Variants in DCC observed in about 807,000 individuals in gnomAD.
DCC encodes the protein DCC netrin 1 receptor.
Under a neutral mutation model 172.5 loss-of-function variants are expected in DCC, and 58 were observed. That is an observed-to-expected ratio of 0.34 (90% CI 0.27 to 0.42). DCC has a LOEUF of 0.42. DCC is among the 10% of genes least tolerant of loss of function. DCC has a pLI of 1.00. For synonymous variants in DCC, 709 were observed against 644.5 expected, an observed-to-expected ratio of 1.10 and a Z score of -1.52; for missense variants, 1,740 against 1,791.0, an observed-to-expected ratio of 0.97 and a Z score of 0.51.
chr18:52,858,741 A>G (rs1464134546), intron 2 of DCC, among the ~76,000 whole-genome samples: 1 of 152,198 alleles, frequency 6.6e-6, no homozygotes, highest in Admixed American at 6.5e-5. Context: ...ATAAGATGTG[A>G]GCCTTCTTGT....
chr18:53,151,976 T>A (rs968186193), intron 7 of DCC, among the ~76,000 whole-genome samples: 1 of 152,170 alleles, frequency 6.6e-6, no homozygotes, highest in African/African-American at 2.4e-5. Context: ...AGCTAGAGTT[T>A]AGTGTCAAGG....
intron 1 of DCC, among the ~76,000 whole-genome samples, chr18:52,563,672 A>T (rs2033091113): frequency 6.6e-6 from 1 of 152,164 alleles, no homozygotes; most frequent in East Asian, 1.9e-4. Flanking sequence ...AATAGAGTAT[A>T]CACAGCTTTT....
intron 1 of DCC, among the ~76,000 whole-genome samples, chr18:52,489,912 G>A (rs538958587): frequency 6.6e-6 from 1 of 152,226 alleles, no homozygotes; most frequent in Admixed American, 6.5e-5. Context: ...TAAATATGAA[G>A]TGGAATGTTC....
At chr18:52,710,681 C>T (rs757610242) in intron 1 of DCC, among the ~76,000 whole-genome samples, 4 of 152,062 alleles carry the variant, frequency 2.6e-5, no homozygotes, top group Non-Finnish European at 5.9e-5. Context: ...AAGTATTTAT[C>T]TCAGCAAACA....
intron 1 of DCC, among the ~76,000 whole-genome samples, chr18:52,350,985 C>A (rs556377878): frequency 1.3e-5 from 2 of 152,126 alleles, no homozygotes; most frequent in East Asian, 3.9e-4. Context: ...TAATCAAATA[C>A]ATATGTTAAC....
intron 2 of DCC, among the ~76,000 whole-genome samples, chr18:52,754,938 T>C (rs990894481): frequency 1.3e-5 from 2 of 152,110 alleles, no homozygotes; most frequent in African/African-American, 4.8e-5. Flanking sequence ...ATCCTGATGG[T>C]GAAAATCAAG....
chr18:53,164,086 T>C (rs1463954987), intron 8 of DCC, among the ~76,000 whole-genome samples: 2 of 152,202 alleles, frequency 1.3e-5, no homozygotes, highest in Non-Finnish European at 2.9e-5. Context: ...CTTGCTTCCT[T>C]AGTGGATTAA....
intron 7 of DCC, among the ~76,000 whole-genome samples, chr18:53,080,178 G>T (rs1340913454): frequency 6.6e-6 from 1 of 152,010 alleles, no homozygotes; most frequent in Non-Finnish European, 1.5e-5. Flanking sequence ...GTATTAGAAG[G>T]TCCTGACAGA....
intron 27 of DCC, among the ~76,000 whole-genome samples, chr18:53,502,674 A>ATTAGTGATGAATT (rs1248065593): frequency 6.6e-6 from 1 of 152,148 alleles, no homozygotes; most frequent in Non-Finnish European, 1.5e-5. Flanking sequence ...GGACTGCATA[A>ATTAGTGATGAATT]TTAGTGATGA....
At chr18:53,082,676 T>C (rs1466675310) in intron 7 of DCC, among the ~76,000 whole-genome samples, 1 of 152,174 alleles carries the variant, frequency 6.6e-6, no homozygotes, top group Non-Finnish European at 1.5e-5. Flanking sequence ...TACTAGCTCT[T>C]GTTTACTAAA....
intron 2 of DCC, among the ~76,000 whole-genome samples, chr18:52,769,895 T>C (rs1225676722): frequency 6.6e-6 from 1 of 152,244 alleles, no homozygotes; most frequent in Non-Finnish European, 1.5e-5. Context: ...CAGTTGGCTA[T>C]ATTTTCAAAA....
chr18:52,537,191 T>C (rs2032313495), intron 1 of DCC, among the ~76,000 whole-genome samples: 1 of 152,160 alleles, frequency 6.6e-6, no homozygotes, highest in Non-Finnish European at 1.5e-5. Context: ...AAACAGAAAC[T>C]GAAAACAATA....
chr18:52,694,052 T>C (rs1599024388), intron 1 of DCC, among the ~76,000 whole-genome samples: 1 of 151,878 alleles, frequency 6.6e-6, no homozygotes, highest in African/African-American at 2.4e-5. Context: ...GTGATCAAGG[T>C]TAACATCACT....
chr18:52,675,705 A>G (rs2035635021), intron 1 of DCC, among the ~76,000 whole-genome samples: 2 of 152,340 alleles, frequency 1.3e-5, no homozygotes. Context: ...CTAAAGCAGG[A>G]GATCCTACTT....
chr18:52,381,680 A>G (rs117304337), intron 1 of DCC, among the ~76,000 whole-genome samples: 3,780 of 152,182 alleles, frequency 0.025, 58 homozygotes, highest in Non-Finnish European at 0.038. Flanking sequence ...AAACGGGATC[A>G]ATATTTGCAG....
At chr18:53,272,905 G>T (rs2056764819) in intron 12 of DCC, among the ~76,000 whole-genome samples, 1 of 152,116 alleles carries the variant, frequency 6.6e-6, no homozygotes, top group African/African-American at 2.4e-5. Context: ...CTCGAAGAAT[G>T]AAGCTTCATA....
At chr18:53,332,307 T>G (rs2057537512) in intron 14 of DCC, among the ~76,000 whole-genome samples, 1 of 152,130 alleles carries the variant, frequency 6.6e-6, no homozygotes, top group Admixed American at 6.5e-5. Flanking sequence ...ATAATAAGAT[T>G]AGGTTGACAC....
intron 20 of DCC, among the ~76,000 whole-genome samples, chr18:53,415,714 T>C (rs1290182782): frequency 2.6e-5 from 4 of 152,118 alleles, no homozygotes; most frequent in Admixed American, 6.6e-5. Context: ...TATGTGAGAA[T>C]TGGTGAAGTT....
chr18:53,438,144 A>G (rs1213051928), intron 22 of DCC, among the ~76,000 whole-genome samples: 1 of 152,236 alleles, frequency 6.6e-6, no homozygotes, highest in Non-Finnish European at 1.5e-5. Flanking sequence ...TATTTCTACA[A>G]GGATTTTCAC....
Sources: allele counts gnomAD v4.1 joint callset (sites outside exome capture counted in the v4.1 genomes callset), GRCh38; gene constraint gnomAD v4.1.1; transcripts MANE v1.5; gene names NCBI Gene and HGNC (gene_info 2026-07-23, HGNC 2026-07-21).